SEMA3E: variants seen among roughly 807,000 people sequenced by gnomAD.
SEMA3E encodes the protein semaphorin-3E.
A neutral mutation model predicts 93.6 loss-of-function variants in SEMA3E; 49 were observed. The observed-to-expected ratio is 0.52, with a 90% CI of 0.42 to 0.66. SEMA3E has a LOEUF of 0.66. Among genes scored for constraint, SEMA3E ranks in the 30% least tolerant of loss-of-function variants. The probability of loss-of-function intolerance (pLI) is 0.00; values close to 1 mark genes in which losing one functional copy is unlikely to be tolerated. For synonymous variants in SEMA3E, 363 were observed against 330.7 expected (o/e 1.10, Z -1.06); for missense variants, 906 against 964.8 (o/e 0.94, Z 0.81).
chr7:83,383,629 G>A (rs1787824036), intron 16 of SEMA3E, among the ~76,000 whole-genome samples: 1 of 151,928 alleles, frequency 6.6e-6, no homozygotes, highest in East Asian at 1.9e-4. Context: ...AAATTTGAAT[G>A]TAGTTGAAAA....
At chr7:83,417,008 CACACACAGGGAG>C (rs1184063884) in intron 5 of SEMA3E, among the ~76,000 whole-genome samples, 3 of 66,214 alleles carry the variant, frequency 4.5e-5, no homozygotes, top group Non-Finnish European at 1.4e-4. Flanking sequence ...CACACACACA[CACACACAGGGAG>C]AGAGAGAGAG....
intron 2 of SEMA3E, among the ~76,000 whole-genome samples, chr7:83,476,827 A>G (rs1237679189): frequency 6.6e-6 from 1 of 152,204 alleles, no homozygotes; most frequent in Non-Finnish European, 1.5e-5. Context: ...ACAACAGGGT[A>G]TAATGTGATT....
chr7:83,593,237 TTTCG>T (rs1792789010), intron 1 of SEMA3E, among the ~76,000 whole-genome samples: 1 of 143,068 alleles, frequency 7.0e-6, no homozygotes, highest in African/African-American at 2.6e-5. Context: ...TCTCTCTCTC[TTTCG>T]CTCTTTCTCT....
chr7:83,484,707 A>G (rs1423166102), intron 2 of SEMA3E, among the ~76,000 whole-genome samples: 1 of 152,164 alleles, frequency 6.6e-6, no homozygotes, highest in Non-Finnish European at 1.5e-5. Flanking sequence ...TTTTCTTTAT[A>G]ACATGTATCA....
chr7:83,606,385 G>A (rs1304331430), intron 1 of SEMA3E, among the ~76,000 whole-genome samples: 1 of 151,748 alleles, frequency 6.6e-6, no homozygotes, highest in Non-Finnish European at 1.5e-5. Flanking sequence ...ATGATAGACT[G>A]GATTAAGAAA....
chr7:83,562,464 T>TTTTATTTATTTA (rs149261610), intron 1 of SEMA3E, among the ~76,000 whole-genome samples: 7,137 of 141,014 alleles, frequency 0.051, 319 homozygotes, highest in East Asian at 0.22. Flanking sequence ...TGAACTTCCT[T>TTTTATTTATTTA]TTTATTTATT....
chr7:83,612,931 C>T (rs1793293816), intron 1 of SEMA3E, among the ~76,000 whole-genome samples: 1 of 143,694 alleles, frequency 7.0e-6, no homozygotes. Flanking sequence ...TCTTTCAAAA[C>T]TCATATCCAT....
At chr7:83,407,046 C>T (rs1394319123) in intron 7 of SEMA3E, 51 bp downstream of exon 7, 2 of 1,606,068 alleles carry the variant, frequency 1.2e-6, no homozygotes, top group South Asian at 1.1e-5. Context: ...TTAATAAAGG[C>T]CTGACCATAA....
chr7:83,617,022 A>G (rs1793384833), intron 1 of SEMA3E, among the ~76,000 whole-genome samples: 1 of 152,026 alleles, frequency 6.6e-6, no homozygotes, highest in Admixed American at 6.6e-5. Flanking sequence ...ACCGTGCTTA[A>G]ATATTCCAAT....
At position 83,490,249 on chromosome 7, in the gene SEMA3E, T is replaced by C; in HGVS notation, c.141A>G (p.Ser47=). Residue 47 remains serine (S), a synonymous_variant, in exon 2 of 17, where the codon TCA becomes TCG. Transcript: ENST00000643230. ...GAAATCCAAAAGGGCTATGAAATAT[T>C]GATGTTCTGTTCAGATTCAAGAGCT... ...HKELLNLNRT[S]IFHSPFGFLD... 1 of 1,612,650 alleles carries C rather than the reference T, an allele frequency of 6.2e-7. No individual in the cohort carries two copies. The highest frequency in any genetic ancestry group is 8.5e-7 in the Non-Finnish European group (1 of 1,179,330).
chr7:83,622,870 A>G (rs1793593992), intron 1 of SEMA3E, among the ~76,000 whole-genome samples: 2 of 151,914 alleles, frequency 1.3e-5, no homozygotes, highest in Non-Finnish European at 2.9e-5. Flanking sequence ...AAGAACAACT[A>G]ATGGGTGCTG....
At chr7:83,430,372 T>C (rs2722966) in intron 4 of SEMA3E, among the ~76,000 whole-genome samples, 110,618 of 151,670 alleles carry the variant, frequency 0.73, 40,975 homozygotes, top group East Asian at 1. Context: ...GGCTGAGGCA[T>C]GAGAATGACT....
Position 83,367,991 on chromosome 7 carries a change from G to A in SEMA3E, c.1923C>T (p.Phe641=). ...RVVKMDLGLL[F]LRLHKSDAGT... The stretch of plus-strand genomic sequence containing the variant: ...CAGCATCTGATTTGTGTAACCTTAG[G>A]AAGAGTAAACCAAGGTCCATCTTAA... Residue 641 remains phenylalanine (F), a synonymous_variant, in exon 17 of 17, where the codon TTC becomes TTT. Coordinates refer to ENST00000643230, the MANE Select transcript of SEMA3E (RefSeq NM_012431.3). 1 of 1,613,962 alleles carries A rather than the reference G, an allele frequency of 6.2e-7. No individual in the cohort carries two copies. Among genetic ancestry groups the A allele is most frequent in the Non-Finnish European group, 8.5e-7 (1 of 1,179,962 alleles).
chr7:83,496,508 AT>A (rs199934134), intron 1 of SEMA3E, among the ~76,000 whole-genome samples: 220 of 151,896 alleles, frequency 1.4e-3, no homozygotes, highest in African/African-American at 4.9e-3. Context: ...ATAATTACAA[AT>A]TTTTTTTGCT....
intron 1 of SEMA3E, among the ~76,000 whole-genome samples, chr7:83,547,192 C>G (rs1791669476): frequency 1.3e-5 from 2 of 152,128 alleles, no homozygotes; most frequent in East Asian, 3.9e-4. Context: ...AATTTTATTT[C>G]TGAATAACAC....
At chr7:83,454,890 G>A (rs1789449342) in intron 4 of SEMA3E, among the ~76,000 whole-genome samples, 1 of 152,142 alleles carries the variant, frequency 6.6e-6, no homozygotes, top group Non-Finnish European at 1.5e-5. Flanking sequence ...ACAAGCAACT[G>A]GAAGACATCA....
chr7:83,452,741 C>T (rs1463685738), intron 4 of SEMA3E, among the ~76,000 whole-genome samples: 1 of 152,120 alleles, frequency 6.6e-6, no homozygotes, highest in Non-Finnish European at 1.5e-5. Flanking sequence ...AGAGGAAGGC[C>T]AGAAGGAACA....
rs117472498 is a variant in SEMA3E at position 83,540,121 on chromosome 7, G to C, written c.116-49847C>G. Among the ~76,000 whole-genome samples the C allele has an allele frequency of 1.1e-3, 165 of 152,250 alleles. 1 individual carries two copies. The highest frequency in any genetic ancestry group is 8.3e-3 in the East Asian group (43 of 5,160). On this transcript the variant is annotated intron_variant, in intron 1 of 16. Coordinates refer to ENST00000643230, the MANE Select transcript of SEMA3E (RefSeq NM_012431.3). ...TGGTCCCGAACTCCTGACCTCAGTT[G>C]ATCCACCCTCGTCGGCCTTGCAAAC...
chr7:83,499,799 T>C (rs1303701668), intron 1 of SEMA3E, among the ~76,000 whole-genome samples: 2 of 152,226 alleles, frequency 1.3e-5, no homozygotes, highest in Non-Finnish European at 2.9e-5. Context: ...ACAGCTTATA[T>C]AAAATGCTTA....
Sources: allele counts gnomAD v4.1 joint callset (sites outside exome capture counted in the v4.1 genomes callset), GRCh38; gene constraint gnomAD v4.1.1; transcripts MANE v1.5; gene names NCBI Gene and HGNC (gene_info 2026-07-23, HGNC 2026-07-21).